Variants in LETMD1 observed in about 807,000 individuals in gnomAD.
LETMD1 encodes LETM1 domain containing 1.
A neutral mutation model predicts 43.9 loss-of-function variants in LETMD1; 30 were observed. The observed-to-expected ratio is 0.68, with a 90% CI of 0.51 to 0.93. LETMD1 has a LOEUF of 0.93. LETMD1 is among the 40% of genes least tolerant of loss of function. The pLI, the probability that LETMD1 is intolerant of heterozygous loss-of-function variation, is 0.00. For missense variants in LETMD1, 413 were observed against 447.7 expected (o/e 0.92, Z 0.70); for synonymous variants, 176 against 163.1 (o/e 1.08, Z -0.60).
Position 51,056,203 on chromosome 12 carries a change from T to G in LETMD1, c.720T>G (p.Ser240=). Residue 240 remains serine (S), a synonymous_variant, in exon 6 of 9, where the codon TCT becomes TCG. Coordinates refer to ENST00000262055, the MANE Select transcript of LETMD1 (RefSeq NM_015416.5). ...TCTTGGCTCTGAGAGAGTGTTTCTCTAACCATCCTCTGGGCATGAACCAAC... is the reference window on the plus strand; with the variant it reads ...TCTTGGCTCTGAGAGAGTGTTTCTCGAACCATCCTCTGGGCATGAACCAAC... The part of the protein sequence containing the change: ...HDILALRECF[S]NHPLGMNQLQ... The G allele has an allele frequency of 6.2e-7, 1 of 1,614,260 alleles. No individual in the cohort carries two copies. Among genetic ancestry groups the G allele is most frequent in the South Asian group, 1.1e-5 (1 of 91,092 alleles).
At chr12:51,061,011 T>A (rs1267380984), downstream of LETMD1, among the ~76,000 whole-genome samples, 1 of 151,172 alleles carries the variant, frequency 6.6e-6, no homozygotes, top group Non-Finnish European at 1.5e-5. Flanking sequence ...GCTGAACAGG[T>A]ACACAAGGGC....
chr12:51,060,805 G>A (rs1463864566), downstream of LETMD1, among the ~76,000 whole-genome samples: 2 of 151,648 alleles, frequency 1.3e-5, no homozygotes, highest in African/African-American at 2.4e-5. Context: ...AGGAGGCTGA[G>A]GCAGGAGAAT....
intron 2 of LETMD1, among the ~76,000 whole-genome samples, chr12:51,050,133 T>A (rs964303271): frequency 6.6e-6 from 1 of 152,208 alleles, no homozygotes; most frequent in Admixed American, 6.6e-5. Context: ...TTTGTAGAGA[T>A]AAAATTGGCT....
At chr12:51,065,302 T>C (rs908922504), downstream of LETMD1, among the ~76,000 whole-genome samples, 1 of 152,206 alleles carries the variant, frequency 6.6e-6, no homozygotes, top group Non-Finnish European at 1.5e-5. Flanking sequence ...GTTACCAAGA[T>C]AATTAACTTA....
the LETMD1 span, chr12:51,068,018 C>T: frequency 1.3e-6 from 2 of 1,553,274 alleles, no homozygotes; most frequent in Non-Finnish European, 1.8e-6. Flanking sequence ...GCGGCATGCA[C>T]CTCCTCAGTG....
In LETMD1 at chr12:51,053,257, T is replaced by A. The variant is rs113142233; in HGVS notation, c.391-521T>A. Among the ~76,000 whole-genome samples the A allele has an allele frequency of 3.1e-3, 476 of 152,280 alleles. 2 individuals carry two copies. Among genetic ancestry groups the A allele is most frequent in the African/African-American group, 0.011 (453 of 41,552 alleles). On this transcript the variant is annotated intron_variant, in intron 3 of 8. Coordinates refer to ENST00000262055, the MANE Select transcript of LETMD1 (RefSeq NM_015416.5). The stretch of plus-strand genomic sequence containing the variant: ...GAGTTCACTGAAGGATTTGGTATAA[T>A]GTCAGGCTCTGTACTAGACATTATT...
chr12:51,068,808 T>C, the LETMD1 span, among the ~76,000 whole-genome samples: 1 of 151,980 alleles, frequency 6.6e-6, no homozygotes, highest in Non-Finnish European at 1.5e-5. Context: ...AATTAAAGTG[T>C]AGTAAAAGGC....
chr12:51,060,901 CA>C (rs35850463), downstream of LETMD1, among the ~76,000 whole-genome samples: 1,509 of 65,484 alleles, frequency 0.023, 11 homozygotes, highest in East Asian at 0.065. Context: ...GATTCTGTCT[CA>C]AAAAAAAAAA....
rs953427865 is a variant in LETMD1 at position 51,059,773 on chromosome 12, G to A, written c.*342G>A. ...AGGAAGTCAGCTTTTGCCCCAGGTG[G>A]GAATCCTTATTTGGCTTAGGACTGA... On this transcript the variant is annotated 3_prime_UTR_variant, in exon 9 of 9. Transcript: ENST00000262055. 7 of 293,666 alleles carry A rather than the reference G, an allele frequency of 2.4e-5. No homozygotes were observed. Among genetic ancestry groups the A allele is most frequent in the African/African-American group, 1.3e-4 (6 of 46,718 alleles). 18.2% of individuals were successfully genotyped at this position (293,666 alleles called of 1,614,324 possible).
intron 2 of LETMD1, among the ~76,000 whole-genome samples, chr12:51,050,086 A>G (rs1254796176): frequency 6.6e-6 from 1 of 152,182 alleles, no homozygotes; most frequent in East Asian, 1.9e-4. Flanking sequence ...CATAATTATT[A>G]CTAGCTTCAT....
At chr12:51,055,665 TAAAA>T (rs56285797) in intron 4 of LETMD1, 166 bp from the exon 5 acceptor site, 388 of 150,136 alleles carry the variant, frequency 2.6e-3, no homozygotes, top group East Asian at 1.0e-2. Context: ...CCCTGTCTCT[TAAAA>T]AAAAAAAAAA....
At chr12:51,061,753 C>T (rs980161786), downstream of LETMD1, 14 of 152,156 alleles carry the variant, frequency 9.2e-5, no homozygotes, top group African/African-American at 2.7e-4. Context: ...TGTTCCTCAT[C>T]GTGCAGCTGG....
chr12:51,060,188 C>G lies in LETMD1; in HGVS notation c.*757C>G, dbSNP rs1276494660. On this transcript the variant is annotated 3_prime_UTR_variant, in exon 9 of 9. Coordinates refer to ENST00000262055, the MANE Select transcript of LETMD1 (RefSeq NM_015416.5). Reference sequence around the variant, plus strand: ...CAACTCTGCTGCCTCCACTGTGATGCAGCAGTCCAACTGTAACTGACAGTG... The same window carrying G: ...CAACTCTGCTGCCTCCACTGTGATGGAGCAGTCCAACTGTAACTGACAGTG... 1.3e-5 allele frequency: 2 copies of G among 152,788 alleles called. No homozygotes were observed. Among genetic ancestry groups the G allele is most frequent in the Non-Finnish European group, 2.9e-5 (2 of 68,168 alleles). 9.5% of individuals were successfully genotyped at this position (152,788 alleles called of 1,614,324 possible). A position where few individuals can be genotyped will look rare whatever the true frequency, so the allele number is the denominator to read the frequency against.
downstream of LETMD1, chr12:51,064,381 G>C: frequency 1.9e-6 from 3 of 1,614,232 alleles, no homozygotes; most frequent in East Asian, 2.2e-5. Flanking sequence ...AGCCGCTCCA[G>C]TTCCTCTGCA....
chr12:51,056,239 G>T lies in LETMD1; in HGVS notation c.756G>T (p.Leu252Phe). ...TGGGCATGAACCAACTCCAGGCTTT[G>T]CACGTGGTGAGCACTTTGAGGGCTT... is the stretch of plus-strand genomic sequence containing the variant. ...HPLGMNQLQALHVKALSRAML... is the reference protein window; with the variant it reads ...HPLGMNQLQAFHVKALSRAML... The change falls in exon 6 of 9, where the codon TTG (leucine) becomes TTT (phenylalanine). Residue 252 changes from leucine (L) to phenylalanine (F), a missense_variant. Transcript: ENST00000262055. 1.9e-6 allele frequency: 3 copies of T among 1,614,214 alleles called. No individual in the cohort carries two copies. The highest frequency in any genetic ancestry group is 2.5e-6 in the Non-Finnish European group (3 of 1,180,010).
intron 2 of LETMD1, chr12:51,049,513 C>T (rs984924435): frequency 1.3e-5 from 3 of 224,106 alleles, no homozygotes; most frequent in African/African-American, 2.3e-5. Context: ...TATAGACCTG[C>T]CCTGTGATGT....
chr12:51,057,731 T>C (rs775436667), intron 7 of LETMD1: 2 of 371,662 alleles, frequency 5.4e-6, no homozygotes, highest in South Asian at 4.6e-5. Flanking sequence ...GTTCCAGTGA[T>C]TCTCCTGCCT....
Position 51,056,366 on chromosome 12 carries a change from C to T in LETMD1, c.779C>T (p.Ala260Val). 6.2e-7 allele frequency: 1 copy of T among 1,614,212 alleles called. No homozygotes were observed. Among genetic ancestry groups the T allele is most frequent in the East Asian group, 2.2e-5 (1 of 44,884 alleles). The stretch of plus-strand genomic sequence containing the variant: ...GTGTTACAGAAAGCCTTGAGCCGGG[C>T]CATGCTTCTCACATCTTACCTGCCT... ...QALHVKALSR[A>V]MLLTSYLPPP... The change falls in exon 7 of 9, where the codon GCC (alanine) becomes GTC (valine). Residue 260 changes from alanine (A) to valine (V), a missense_variant. By Grantham distance (64) the Ala-to-Val change is moderately conservative (BLOSUM62 0). Coordinates refer to ENST00000262055, the MANE Select transcript of LETMD1 (RefSeq NM_015416.5).
rs534187483 is a variant in LETMD1, at chr12:51,055,523, G to A, written c.474-312G>A. ...TGCAAAAAAATTAAAAACTTAGCCA[G>A]GCATAGTGGCCTGTGCCTGTAGTCC... On this transcript the variant is annotated intron_variant, in intron 4 of 8. Coordinates refer to ENST00000262055, the MANE Select transcript of LETMD1 (RefSeq NM_015416.5). Among the ~76,000 whole-genome samples the A allele has an allele frequency of 2.0e-5, 3 of 152,104 alleles. No homozygotes were observed. In the South Asian group the frequency reaches 6.2e-4, roughly 32 times the overall value.
Sources: gnomAD v4.1 joint callset for allele counts (sites outside exome capture counted in the v4.1 genomes callset) on GRCh38, gnomAD v4.1.1 for gene constraint, MANE v1.5 for transcripts, NCBI Gene and HGNC (gene_info 2026-07-23, HGNC 2026-07-21) for gene names.